The following PRRC1 variants were observed in gnomAD, a reference collection of about 807,000 sequenced individuals.
PRRC1 encodes protein PRRC1.
In PRRC1, 39 loss-of-function variants were observed where a neutral mutation model predicts 40.7. The ratio of observed to expected loss-of-function variants is 0.96; its 90% CI spans 0.74 to 1.25. PRRC1 has a LOEUF of 1.25. PRRC1 is among the 50% of genes most tolerant of loss of function. The pLI is 0.00. For synonymous variants in PRRC1, 175 were observed against 193.3 expected (o/e 0.91, Z 0.79); for missense variants, 573 against 548.3 (o/e 1.05, Z -0.45).
In PRRC1 at chr5:127,551,838, C is replaced by T; in HGVS notation, c.1260C>T (p.Ser420=). ...TDWHMAFTGM[S]RRQMIYSAAR... The stretch of plus-strand genomic sequence containing the variant: ...GGCACATGGCATTTACTGGGATGTC[C>T]CGTCGGCAGATGATCTACAGTGCAG... Residue 420 remains serine, a synonymous_variant, in exon 9 of 9, where the codon TCC becomes TCT. Transcript: ENST00000296666. 1 of 1,614,040 alleles carries T rather than the reference C, an allele frequency of 6.2e-7. No individual in the cohort carries two copies. Among genetic ancestry groups the T allele is most frequent in the Non-Finnish European group, 8.5e-7 (1 of 1,180,000 alleles).
Position 127,524,756 on chromosome 5 carries a change from T to C in PRRC1, c.329T>C (p.Phe110Ser), listed in dbSNP as rs779577581. 5.6e-6 allele frequency: 9 copies of C among 1,614,058 alleles called. No individual in the cohort carries two copies. The highest frequency in any genetic ancestry group is 7.6e-6 in the Non-Finnish European group (9 of 1,180,036). ...AAFGNPPVSH[F>S]PPSTSAPNTL... The stretch of plus-strand genomic sequence containing the variant: ...TTCGGTAATCCTCCTGTATCTCACT[T>C]CCCACCTTCAACTTCTGCCCCAAAC... Residue 110 changes from phenylalanine to serine, a missense_variant, in exon 3 of 9, where the codon TTC becomes TCC. Physicochemically the swap from Phe to Ser is radical, Grantham distance 155. Coordinates refer to ENST00000296666, the MANE Select transcript of PRRC1 (RefSeq NM_130809.5).
At chr5:127,536,398 G>T (rs1473156025) in intron 6 of PRRC1, among the ~76,000 whole-genome samples, 1 of 151,958 alleles carries the variant, frequency 6.6e-6, no homozygotes, top group Non-Finnish European at 1.5e-5. Context: ...GCATTCATAC[G>T]GGCGATTTTT....
intron 2 of PRRC1, 82 bp from the exon 3 acceptor site, chr5:127,524,449 A>G: frequency 6.9e-7 from 1 of 1,440,654 alleles, no homozygotes. Flanking sequence ...AAATTTTGCA[A>G]GAAGAAAGTA....
intron 7 of PRRC1, among the ~76,000 whole-genome samples, chr5:127,546,438 GTC>G (rs1187006926): frequency 6.6e-6 from 1 of 152,148 alleles, no homozygotes; most frequent in Non-Finnish European, 1.5e-5. Flanking sequence ...ATATGGTGCT[GTC>G]TCTCTGAATG....
chr5:127,539,429 A>G (rs546183997), intron 7 of PRRC1, among the ~76,000 whole-genome samples: 26 of 152,202 alleles, frequency 1.7e-4, no homozygotes, highest in African/African-American at 6.0e-4. Flanking sequence ...TGGTGTGGAT[A>G]TAATTGACCA....
chr5:127,527,392 G>A (rs1388805094), intron 4 of PRRC1, among the ~76,000 whole-genome samples: 2 of 151,882 alleles, frequency 1.3e-5, no homozygotes, highest in African/African-American at 2.4e-5. Flanking sequence ...ATAATACATT[G>A]TTCCTAACTA....
intron 1 of PRRC1, among the ~76,000 whole-genome samples, chr5:127,519,094 T>G (rs1289747033): frequency 6.6e-6 from 1 of 152,252 alleles, no homozygotes; most frequent in Non-Finnish European, 1.5e-5. Flanking sequence ...TGCAGACACA[T>G]TTGTTAATGT....
At chr5:127,547,102 A>G (rs1370893809) in intron 7 of PRRC1, among the ~76,000 whole-genome samples, 4 of 152,068 alleles carry the variant, frequency 2.6e-5, no homozygotes, top group Admixed American at 6.5e-5. Context: ...TTCCTGCTTC[A>G]TATCCTTTTA....
chr5:127,533,407 T>C (rs553772593), intron 5 of PRRC1, among the ~76,000 whole-genome samples: 1 of 152,224 alleles, frequency 6.6e-6, no homozygotes, highest in South Asian at 2.1e-4. Flanking sequence ...CAGTTTTGAG[T>C]CCTGACATTA....
At chr5:127,546,977 T>G (rs1768242603) in intron 7 of PRRC1, among the ~76,000 whole-genome samples, 1 of 152,188 alleles carries the variant, frequency 6.6e-6, no homozygotes, top group Non-Finnish European at 1.5e-5. Context: ...GTTATTTATG[T>G]TACTGTATAT....
chr5:127,531,829 G>C (rs1317981113), intron 5 of PRRC1, among the ~76,000 whole-genome samples: 11 of 151,384 alleles, frequency 7.3e-5, no homozygotes, highest in Non-Finnish European at 1.6e-4. Flanking sequence ...TGGCCAGGCT[G>C]GATAGCAGGC....
intron 3 of PRRC1, among the ~76,000 whole-genome samples, 184 bp from the exon 4 acceptor site, chr5:127,526,434 G>A (rs992028400): frequency 2.0e-5 from 3 of 152,084 alleles, no homozygotes; most frequent in Non-Finnish European, 4.4e-5. Context: ...TATATAAAGG[G>A]AAATAAATTT....
chr5:127,553,107 A>T lies in PRRC1; in HGVS notation c.*1191A>T. 1 of 902,268 alleles carries T rather than the reference A, an allele frequency of 1.1e-6. No homozygotes were observed. Among genetic ancestry groups the T allele is most frequent in the African/African-American group, 1.8e-5 (1 of 55,582 alleles). 55.9% of individuals were successfully genotyped at this position (902,268 alleles called of 1,614,324 possible). A position where few individuals can be genotyped will look rare whatever the true frequency, so the allele number is the denominator to read the frequency against. ...ATAACTTTTTCGAAGATAGTTTCTT[A>T]TATAAATGTAATTTAATTTTTTTAC... On this transcript the variant is annotated 3_prime_UTR_variant, in exon 9 of 9. Transcript: ENST00000296666.
chr5:127,533,839 C>T lies in PRRC1; in HGVS notation c.921+53C>T. ...CATGGAAACTGGCATTTAATTTTTT[C>T]ACAATTCTGATAATCTGTTGTCTCT... On this transcript the variant is annotated intron_variant, in intron 6 of 8. Coordinates refer to ENST00000296666, the MANE Select transcript of PRRC1 (RefSeq NM_130809.5). 1.9e-6 allele frequency: 3 copies of T among 1,568,010 alleles called. 1 individual carries two copies. In the South Asian group the frequency reaches 3.3e-5, roughly 17 times the overall value.
chr5:127,549,990 A>T (rs1031403171), intron 8 of PRRC1: 2 of 151,934 alleles, frequency 1.3e-5, no homozygotes, highest in Non-Finnish European at 2.9e-5. Context: ...CGTGTGTACC[A>T]GTACCAAAAG....
chr5:127,520,104 G>A (rs1767420179), intron 1 of PRRC1, among the ~76,000 whole-genome samples: 1 of 152,184 alleles, frequency 6.6e-6, no homozygotes, highest in South Asian at 2.1e-4. Context: ...GAAATTTGGG[G>A]CCACTTAATT....
In PRRC1 at chr5:127,553,231, A is replaced by G. The variant is rs1768439010; in HGVS notation, c.*1315A>G. 3.0e-6 allele frequency: 3 copies of G among 985,858 alleles called. No individual in the cohort carries two copies. Among genetic ancestry groups the G allele is most frequent in the Non-Finnish European group, 3.6e-6 (3 of 830,374 alleles). 61.1% of individuals were successfully genotyped at this position (985,858 alleles called of 1,614,324 possible). A position where few individuals can be genotyped will look rare whatever the true frequency, so the allele number is the denominator to read the frequency against. ...TTGTCCTGCACTGTCTTTAGGTATC[A>G]TAGGTATCAGGTTTGCTTTGTGTTA... On this transcript the variant is annotated 3_prime_UTR_variant, in exon 9 of 9. Transcript: ENST00000296666.
chr5:127,521,743 C>T (rs72792008), intron 1 of PRRC1, among the ~76,000 whole-genome samples: 1,548 of 152,318 alleles, frequency 0.01, 14 homozygotes, highest in Non-Finnish European at 0.015. Flanking sequence ...TCTTCTTTCT[C>T]TCCCTTCACA....
At chr5:127,533,575 A>T (rs1402203806) in intron 5 of PRRC1, 48 bp from the exon 6 acceptor site, 13 of 1,507,526 alleles carry the variant, frequency 8.6e-6, no homozygotes, top group Non-Finnish European at 1.2e-5. Flanking sequence ...AATTATGAGA[A>T]TTTCATTATT....
Sources: gnomAD v4.1 joint callset for allele counts (sites outside exome capture counted in the v4.1 genomes callset) on GRCh38, gnomAD v4.1.1 for gene constraint, MANE v1.5 for transcripts, NCBI Gene and HGNC (gene_info 2026-07-23, HGNC 2026-07-21) for gene names.